The following EPHA5 variants were observed in gnomAD, a reference collection of about 807,000 sequenced individuals.
EPHA5 encodes ephrin type-A receptor 5.
Under a neutral mutation model 105.0 loss-of-function variants are expected in EPHA5, and 60 were observed. The observed-to-expected ratio is 0.57, with a 90% CI of 0.46 to 0.71. The LOEUF is 0.71. EPHA5 is among the 30% of genes least tolerant of loss of function. EPHA5 has a pLI of 0.00. For missense variants in EPHA5, 1,218 were observed against 1,274.7 expected (o/e 0.96, Z 0.68); for synonymous variants, 513 against 449.1 (o/e 1.14, Z -1.80).
intron 8 of EPHA5, among the ~76,000 whole-genome samples, chr4:65,390,684 G>A (rs945445151): frequency 6.6e-6 from 1 of 151,982 alleles, no homozygotes; most frequent in African/African-American, 2.4e-5. Context: ...ACAACAGCAA[G>A]GAAGAGTCCC....
chr4:65,512,924 GAA>G (rs57064190), intron 3 of EPHA5, among the ~76,000 whole-genome samples: 3 of 146,380 alleles, frequency 2.0e-5, no homozygotes, highest in Non-Finnish European at 4.5e-5. Flanking sequence ...GCAAAATCTG[GAA>G]AAAAAAAACA....
intron 13 of EPHA5, among the ~76,000 whole-genome samples, chr4:65,350,376 A>G (rs1280001192): frequency 4.6e-5 from 7 of 152,252 alleles, no homozygotes; most frequent in Admixed American, 3.3e-4. Context: ...TTTTAAAAAA[A>G]AAACCCTTAT....
At chr4:65,342,177 G>A (rs998591109) in intron 14 of EPHA5, among the ~76,000 whole-genome samples, 8 of 139,060 alleles carry the variant, frequency 5.8e-5, no homozygotes, top group Admixed American at 1.4e-4. Context: ...TGTTGTTGTT[G>A]TTAAACATCC....
chr4:65,528,268 T>G (rs111482542), intron 3 of EPHA5, among the ~76,000 whole-genome samples: 9 of 152,186 alleles, frequency 5.9e-5, no homozygotes, highest in Middle Eastern at 3.4e-3. Context: ...ACAGAAGAAA[T>G]GAGCACCTTC....
chr4:65,536,979 G>A (rs1438853284), intron 3 of EPHA5, among the ~76,000 whole-genome samples: 3 of 151,708 alleles, frequency 2.0e-5, no homozygotes, highest in Non-Finnish European at 4.4e-5. Flanking sequence ...CCTTTAAATG[G>A]TAGATGAATT....
chr4:65,380,757 A>G (rs1235019303), intron 8 of EPHA5, among the ~76,000 whole-genome samples: 1 of 151,864 alleles, frequency 6.6e-6, no homozygotes, highest in Non-Finnish European at 1.5e-5. Context: ...ATTCAGGGCT[A>G]GAGAAAACAG....
intron 13 of EPHA5, among the ~76,000 whole-genome samples, chr4:65,348,613 G>A (rs1209180916): frequency 6.9e-6 from 1 of 145,134 alleles, no homozygotes; most frequent in Non-Finnish European, 1.5e-5. Context: ...TGATGAATGT[G>A]ACCCTGAGCT....
chr4:65,504,678 A>G (rs1417253075), intron 3 of EPHA5, among the ~76,000 whole-genome samples: 1 of 151,896 alleles, frequency 6.6e-6, no homozygotes, highest in East Asian at 1.9e-4. Context: ...GCCTAGAATG[A>G]ACTGACACAT....
chr4:65,344,337 G>A (rs1335206416), intron 14 of EPHA5, among the ~76,000 whole-genome samples: 1 of 152,050 alleles, frequency 6.6e-6, no homozygotes, highest in Non-Finnish European at 1.5e-5. Flanking sequence ...AGACCCACTG[G>A]CCCTCAGGAA....
At chr4:65,613,846 T>G (rs1455173868) in intron 2 of EPHA5, among the ~76,000 whole-genome samples, 1 of 152,024 alleles carries the variant, frequency 6.6e-6, no homozygotes, top group Non-Finnish European at 1.5e-5. Context: ...ATTAATTGAA[T>G]GCAAATTTAA....
Position 65,490,848 on chromosome 4 carries a change from T to C in EPHA5, c.1067-136A>G, listed in dbSNP as rs1046525561. On this transcript the variant is annotated intron_variant, in intron 4 of 16. Transcript: ENST00000613740. ...TTTAAGTCATAATTTGTAGTTTTGTTTTCATAATTTTGTAGGGACAATAGT... is the reference window on the plus strand; with the variant it reads ...TTTAAGTCATAATTTGTAGTTTTGTCTTCATAATTTTGTAGGGACAATAGT... 3 of 985,750 alleles carry C rather than the reference T, an allele frequency of 3.0e-6. No homozygotes were observed. In the African/African-American group the frequency reaches 4.9e-5, roughly 16 times the overall value. 61.1% of individuals were successfully genotyped at this position (985,750 alleles called of 1,614,324 possible).
At chr4:65,456,651 A>C (rs1727623103) in intron 5 of EPHA5, among the ~76,000 whole-genome samples, 1 of 152,272 alleles carries the variant, frequency 6.6e-6, no homozygotes, top group Non-Finnish European at 1.5e-5. Context: ...TGAGAACACA[A>C]TTATTTTAGT....
At chr4:65,374,862 G>T (rs1718835120) in intron 8 of EPHA5, among the ~76,000 whole-genome samples, 1 of 151,750 alleles carries the variant, frequency 6.6e-6, no homozygotes, top group Non-Finnish European at 1.5e-5. Flanking sequence ...TGGAAATGCT[G>T]GTATGATGAG....
intron 3 of EPHA5, among the ~76,000 whole-genome samples, chr4:65,584,912 C>T (rs116758714): frequency 2.6e-3 from 392 of 151,632 alleles, no homozygotes; most frequent in South Asian, 4.2e-3. Context: ...TTTTTAAATG[C>T]CTTGGTGAGA....
In EPHA5 at chr4:65,617,170, G is replaced by A. The variant is rs116744377; in HGVS notation, c.247-14866C>T. On this transcript the variant is annotated intron_variant, in intron 2 of 16. Coordinates refer to ENST00000613740, the MANE Select transcript of EPHA5 (RefSeq NM_001281766.3). ...GACCACACTTATTCTACTAAGTGTGGTCATTTAGTGAAATACCATATCATA... is the reference window on the plus strand; with the variant it reads ...GACCACACTTATTCTACTAAGTGTGATCATTTAGTGAAATACCATATCATA... Among the ~76,000 whole-genome samples, 312 of 152,092 alleles carry A rather than the reference G, an allele frequency of 2.1e-3. 3 individuals carry two copies. The highest frequency in any genetic ancestry group is 7.0e-3 in the African/African-American group (291 of 41,514).
chr4:65,650,590 T>C (rs1281187395), intron 1 of EPHA5, among the ~76,000 whole-genome samples: 1 of 141,660 alleles, frequency 7.1e-6, no homozygotes. Context: ...TTGTTAGTTG[T>C]TCTATCCAAA....
At chr4:65,485,771 A>C (rs1031487544) in intron 5 of EPHA5, among the ~76,000 whole-genome samples, 2 of 152,178 alleles carry the variant, frequency 1.3e-5, no homozygotes, top group African/African-American at 4.8e-5. Context: ...GAGAAATACC[A>C]CAAAGAATGG....
intron 3 of EPHA5, among the ~76,000 whole-genome samples, chr4:65,500,638 A>G (rs2149239831): frequency 1.3e-5 from 2 of 151,148 alleles, no homozygotes; most frequent in South Asian, 4.2e-4. Flanking sequence ...TTTACCCTTA[A>G]AGAGCTATTA....
At chr4:65,620,129 TTAA>T (rs1745590808) in intron 2 of EPHA5, among the ~76,000 whole-genome samples, 2 of 145,382 alleles carry the variant, frequency 1.4e-5, no homozygotes, top group Non-Finnish European at 3.0e-5. Flanking sequence ...TATATATATA[TTAA>T]ATATATGATA....
Sources: gnomAD v4.1 joint callset for allele counts (sites outside exome capture counted in the v4.1 genomes callset) on GRCh38, gnomAD v4.1.1 for gene constraint, MANE v1.5 for transcripts, NCBI Gene and HGNC (gene_info 2026-07-23, HGNC 2026-07-21) for gene names.